Variants in KCNMA1 observed in about 807,000 individuals in gnomAD.
KCNMA1 encodes the protein Calcium-activated potassium channel subunit alpha-1.
KCNMA1 carries 29 observed loss-of-function variants against 140.0 expected under a neutral mutation model. That is an observed-to-expected ratio of 0.21 (90% CI 0.15 to 0.28). The LOEUF is 0.28. Ranked by LOEUF, KCNMA1 falls within the 10% of genes least tolerant of loss-of-function variation. KCNMA1 has a pLI of 1.00. For missense variants in KCNMA1, 880 were observed against 1,602.2 expected (o/e 0.55, Z 7.70); for synonymous variants, 612 against 611.9 (o/e 1.00, Z 0.00).
intron 1 of KCNMA1, among the ~76,000 whole-genome samples, chr10:77,603,603 G>C (rs1283608363): frequency 2.0e-5 from 3 of 152,114 alleles, no homozygotes; most frequent in African/African-American, 4.8e-5. Context: ...CTGGGAGGAG[G>C]AGTTAGAAGA....
chr10:77,291,412 G>A (rs1026435997), intron 2 of KCNMA1, among the ~76,000 whole-genome samples: 7 of 151,906 alleles, frequency 4.6e-5, no homozygotes, highest in African/African-American at 1.7e-4. Context: ...TCAGCAAGAA[G>A]AAAAAGGAAG....
intron 2 of KCNMA1, among the ~76,000 whole-genome samples, chr10:77,288,443 G>C (rs780203504): frequency 6.6e-5 from 10 of 152,236 alleles, no homozygotes; most frequent in Non-Finnish European, 8.8e-5. Context: ...CAGAGTAGCA[G>C]AGGTGGCCGA....
intron 2 of KCNMA1, among the ~76,000 whole-genome samples, chr10:77,314,322 C>G (rs972090860): frequency 1.3e-5 from 2 of 152,122 alleles, no homozygotes; most frequent in African/African-American, 4.8e-5. Flanking sequence ...CCAGAAGCAG[C>G]CTGTTTCACT....
intron 1 of KCNMA1, among the ~76,000 whole-genome samples, chr10:77,619,356 C>T (rs968511922): frequency 3.3e-5 from 5 of 151,844 alleles, no homozygotes; most frequent in Non-Finnish European, 4.4e-5. Context: ...CGTATGCCCA[C>T]GCACATGCTT....
chr10:76,986,684 C>T (rs746323926), intron 19 of KCNMA1, among the ~76,000 whole-genome samples: 1 of 152,172 alleles, frequency 6.6e-6, no homozygotes, highest in African/African-American at 2.4e-5. Context: ...AGGGTCTGAA[C>T]AATTAAAGGT....
intron 9 of KCNMA1, among the ~76,000 whole-genome samples, chr10:77,093,198 G>A (rs1349608617): frequency 3.3e-5 from 5 of 152,126 alleles, no homozygotes; most frequent in South Asian, 2.1e-4. Context: ...TTTCTGGGGT[G>A]GAGAGCTGTC....
intron 15 of KCNMA1, among the ~76,000 whole-genome samples, chr10:77,030,703 G>C (rs2093871825): frequency 1.3e-5 from 2 of 152,202 alleles, no homozygotes; most frequent in South Asian, 4.1e-4. Context: ...AAAGAAAAGA[G>C]TTTCCTCTAC....
At chr10:77,217,341 T>G (rs148962901) in intron 3 of KCNMA1, 1 of 288,934 alleles carries the variant, frequency 3.5e-6, no homozygotes, top group African/African-American at 2.2e-5. Context: ...AAAACTAAAT[T>G]TTTTTCTAAG....
intron 6 of KCNMA1, 94 bp downstream of exon 6, chr10:77,120,879 T>C: frequency 1.3e-6 from 1 of 748,514 alleles, no homozygotes; most frequent in East Asian, 2.6e-5. Context: ...ATATAACTAT[T>C]AATAATGTCA....
chr10:77,356,809 T>A, intron 2 of KCNMA1, among the ~76,000 whole-genome samples: 1 of 152,158 alleles, frequency 6.6e-6, no homozygotes, highest in Non-Finnish European at 1.5e-5. Context: ...AGGAGTGATA[T>A]CCACCCAGGT....
chr10:76,944,495 C>A (rs992410148), intron 23 of KCNMA1, among the ~76,000 whole-genome samples: 12 of 152,298 alleles, frequency 7.9e-5, no homozygotes, highest in South Asian at 4.1e-4. Context: ...GGTCATGAAG[C>A]CACTCCTTGG....
intron 1 of KCNMA1, among the ~76,000 whole-genome samples, chr10:77,593,251 T>C (rs73293807): frequency 0.012 from 1,753 of 152,244 alleles, 38 homozygotes; most frequent in African/African-American, 0.04. Flanking sequence ...TAAAACAGCC[T>C]ACTCCCTAGG....
intron 3 of KCNMA1, among the ~76,000 whole-genome samples, chr10:77,200,046 G>A (rs916002953): frequency 1.3e-5 from 2 of 152,116 alleles, no homozygotes; most frequent in Non-Finnish European, 2.9e-5. Flanking sequence ...TGCCTCCCAG[G>A]TTCAAGCGAT....
intron 1 of KCNMA1, among the ~76,000 whole-genome samples, chr10:77,567,779 G>A (rs1165390844): frequency 6.7e-6 from 1 of 150,164 alleles, no homozygotes; most frequent in Non-Finnish European, 1.5e-5. Context: ...CTGTAAAACT[G>A]TAAATTATTT....
intron 1 of KCNMA1, among the ~76,000 whole-genome samples, chr10:77,501,877 C>T (rs914855673): frequency 6.6e-6 from 1 of 152,170 alleles, no homozygotes; most frequent in East Asian, 1.9e-4. Flanking sequence ...TCCTGTGGGG[C>T]AGGAAACAGT....
rs2067179631 is a variant in KCNMA1 at position 76,953,808 on chromosome 10, A to G, written c.2477T>C (p.Val826Ala). 1 of 1,613,918 alleles carries G rather than the reference A, an allele frequency of 6.2e-7. No individual in the cohort carries two copies. The highest frequency in any genetic ancestry group is 1.1e-5 in the South Asian group (1 of 91,082). Residue 826 changes from valine to alanine, a missense_variant, in exon 21 of 28, where the codon GTC becomes GCC. Coordinates refer to ENST00000286628, the MANE Select transcript of KCNMA1 (RefSeq NM_001161352.2). Reference sequence around the variant, plus strand: ...GCACAGTCCCTCACTCACCAGGATGACTTTCTCTATCTCCTTGGGTGCACA... The same window carrying G: ...GCACAGTCCCTCACTCACCAGGATGGCTTTCTCTATCTCCTTGGGTGCACA... ...HWCAPKEIEK[V>A]ILTRSEAAMT...
At position 77,343,004 on chromosome 10, in the gene KCNMA1, T is replaced by A. The variant is rs115078498; in HGVS notation, c.540+60858A>T. ...CTTGAGAAAGAACCTTCTGGCCCCA[T>A]CCAGAATAGCCACTTTCCTCAGGGA... On this transcript the variant is annotated intron_variant, in intron 2 of 27. Coordinates refer to ENST00000286628, the MANE Select transcript of KCNMA1 (RefSeq NM_001161352.2). Among the ~76,000 whole-genome samples, 1,063 of 152,248 alleles carry A rather than the reference T, an allele frequency of 7.0e-3. 14 individuals carry two copies. Among genetic ancestry groups the A allele is most frequent in the African/African-American group, 0.024 (1,012 of 41,536 alleles).
intron 3 of KCNMA1, among the ~76,000 whole-genome samples, chr10:77,243,838 A>G (rs912348656): frequency 6.6e-6 from 1 of 152,180 alleles, no homozygotes; most frequent in Non-Finnish European, 1.5e-5. Flanking sequence ...TACAAAAAAG[A>G]GAGGGAGACA....
At chr10:77,560,214 G>A (rs1034353481) in intron 1 of KCNMA1, among the ~76,000 whole-genome samples, 1 of 151,990 alleles carries the variant, frequency 6.6e-6, no homozygotes, top group African/African-American at 2.4e-5. Context: ...CAAAAACCCT[G>A]CAGGTTATGA....
Sources: gnomAD v4.1 joint callset for allele counts (sites outside exome capture counted in the v4.1 genomes callset) on GRCh38, gnomAD v4.1.1 for gene constraint, MANE v1.5 for transcripts, NCBI Gene and HGNC (gene_info 2026-07-23, HGNC 2026-07-21) for gene names.